KSR2: variants seen among roughly 807,000 people sequenced by gnomAD.
KSR2 encodes kinase suppressor of ras 2.
A neutral mutation model predicts 107.8 loss-of-function variants in KSR2; 25 were observed. That is an observed-to-expected ratio of 0.23 (90% CI 0.17 to 0.32). The LOEUF (loss-of-function observed/expected upper bound fraction) is 0.32, where lower values mean the gene tolerates loss of function less well. Ranked by LOEUF, KSR2 falls within the 10% of genes least tolerant of loss-of-function variation. KSR2 has a pLI of 1.00. For synonymous variants in KSR2, 480 were observed against 507.0 expected, an observed-to-expected ratio of 0.95 and a Z score of 0.71; for missense variants, 887 against 1,268.9, an observed-to-expected ratio of 0.70 and a Z score of 4.57.
At chr12:117,956,240 A>G (rs1391008708) in intron 1 of KSR2, among the ~76,000 whole-genome samples, 2 of 123,518 alleles carry the variant, frequency 1.6e-5, no homozygotes, top group African/African-American at 3.2e-5. Flanking sequence ...ACAGAGCAAG[A>G]CTCTGTCTCA....
At chr12:117,480,038 G>T (rs954258236) in intron 16 of KSR2, among the ~76,000 whole-genome samples, 8 of 151,848 alleles carry the variant, frequency 5.3e-5, no homozygotes, top group African/African-American at 1.9e-4. Flanking sequence ...ATGTGTGTGT[G>T]TGTGTGTGTG....
At chr12:117,574,337 A>G (rs1435016068) in intron 7 of KSR2, among the ~76,000 whole-genome samples, 1 of 152,164 alleles carries the variant, frequency 6.6e-6, no homozygotes, top group Non-Finnish European at 1.5e-5. Context: ...TTAATGTGCA[A>G]AAGAATCACT....
chr12:117,566,590 T>C (rs1691795779), intron 7 of KSR2, among the ~76,000 whole-genome samples: 2 of 152,200 alleles, frequency 1.3e-5, no homozygotes, highest in Non-Finnish European at 2.9e-5. Context: ...GGCTGCATAG[T>C]ATTCCATGTA....
intron 4 of KSR2, among the ~76,000 whole-genome samples, chr12:117,720,565 G>A (rs894258976): frequency 2.6e-5 from 4 of 152,224 alleles, no homozygotes; most frequent in Non-Finnish European, 5.9e-5. Context: ...ATTTGCATCA[G>A]ATGTGTTTAT....
At chr12:117,714,519 A>C (rs1430857042) in intron 4 of KSR2, among the ~76,000 whole-genome samples, 2 of 152,198 alleles carry the variant, frequency 1.3e-5, no homozygotes, top group Non-Finnish European at 2.9e-5. Context: ...TGTGCCTGCA[A>C]CTTTGACAGC....
chr12:117,666,262 C>T (rs1884654101), intron 5 of KSR2, among the ~76,000 whole-genome samples: 1 of 152,188 alleles, frequency 6.6e-6, no homozygotes, highest in South Asian at 2.1e-4. Flanking sequence ...CCAGCCTAAC[C>T]ATCTAGCGGG....
chr12:117,925,991 G>A (rs1895504886), intron 1 of KSR2, among the ~76,000 whole-genome samples: 2 of 152,158 alleles, frequency 1.3e-5, no homozygotes, highest in South Asian at 2.1e-4. Context: ...GAGGTCAGGA[G>A]TTCAAGACCA....
chr12:117,770,831 G>T (rs1889421945), intron 3 of KSR2, among the ~76,000 whole-genome samples: 1 of 151,604 alleles, frequency 6.6e-6, no homozygotes, highest in South Asian at 2.1e-4. Context: ...AAAGAAATTA[G>T]CCATGCATGG....
intron 5 of KSR2, among the ~76,000 whole-genome samples, chr12:117,613,619 G>A (rs1436762079): frequency 1.3e-5 from 2 of 152,204 alleles, no homozygotes; most frequent in Non-Finnish European, 1.5e-5. Context: ...ATGCCCTGTG[G>A]GGTGAACCTT....
chr12:117,774,807 G>T (rs548640686), intron 3 of KSR2, among the ~76,000 whole-genome samples: 1 of 151,816 alleles, frequency 6.6e-6, no homozygotes, highest in African/African-American at 2.4e-5. Flanking sequence ...GTCCCCATTC[G>T]CAATCCTTCC....
At chr12:117,698,380 A>G (rs1886159440) in intron 4 of KSR2, among the ~76,000 whole-genome samples, 1 of 151,846 alleles carries the variant, frequency 6.6e-6, no homozygotes, top group Non-Finnish European at 1.5e-5. Flanking sequence ...CAGTGATGCA[A>G]TCACAGCTCA....
At chr12:117,636,957 A>G (rs1883116116) in intron 5 of KSR2, among the ~76,000 whole-genome samples, 1 of 152,234 alleles carries the variant, frequency 6.6e-6, no homozygotes, top group Non-Finnish European at 1.5e-5. Context: ...GTCAATAAAA[A>G]AAAAGAGAGG....
intron 5 of KSR2, among the ~76,000 whole-genome samples, chr12:117,586,373 G>A (rs1479228238): frequency 2.0e-5 from 3 of 152,102 alleles, no homozygotes; most frequent in African/African-American, 7.2e-5. Context: ...GATCACCTGA[G>A]GTCAGGAGTT....
chr12:117,656,173 T>C (rs1884146264), intron 5 of KSR2, among the ~76,000 whole-genome samples: 1 of 152,254 alleles, frequency 6.6e-6, no homozygotes, highest in South Asian at 2.1e-4. Flanking sequence ...ACGTATACCC[T>C]TGTACTAAGA....
At chr12:117,920,868 C>T (rs950348370) in intron 1 of KSR2, among the ~76,000 whole-genome samples, 1 of 152,098 alleles carries the variant, frequency 6.6e-6, no homozygotes, top group East Asian at 1.9e-4. Flanking sequence ...AGTGGGTTTG[C>T]GGCCAACAGA....
intron 1 of KSR2, among the ~76,000 whole-genome samples, chr12:117,875,687 C>T (rs1345985492): frequency 6.6e-6 from 1 of 152,172 alleles, no homozygotes; most frequent in East Asian, 1.9e-4. Flanking sequence ...GTCCCACCGG[C>T]GAGAGCTCTT....
rs760776711 is a variant in KSR2 at position 117,476,445 on chromosome 12, C to G, written c.2582+19G>C. 1.4e-5 allele frequency: 22 copies of G among 1,576,982 alleles called. No individual in the cohort carries two copies. The Middle Eastern group carries it at 2.3e-3, about 168-fold the overall frequency. On this transcript the variant is annotated intron_variant, in intron 17 of 19. Coordinates refer to ENST00000339824, the MANE Select transcript of KSR2 (RefSeq NM_173598.6). ...TGCCCAGGCTGTGGCTCTCAATGGC[C>G]AGGGCAGGGCCCACTTACCCAAGGG... is the stretch of plus-strand genomic sequence containing the variant.
intron 1 of KSR2, among the ~76,000 whole-genome samples, chr12:117,918,438 C>T (rs1895246378): frequency 1.3e-5 from 2 of 152,178 alleles, no homozygotes; most frequent in South Asian, 4.1e-4. Context: ...CACCTGCTTG[C>T]CTGCCCTATT....
intron 1 of KSR2, among the ~76,000 whole-genome samples, chr12:117,954,972 G>A (rs997401394): frequency 5.3e-5 from 8 of 149,662 alleles, no homozygotes; most frequent in Admixed American, 2.0e-4. Flanking sequence ...AGCTGAGATC[G>A]CGCCACTGCA....
Sources: allele counts gnomAD v4.1 joint callset (sites outside exome capture counted in the v4.1 genomes callset), GRCh38; gene constraint gnomAD v4.1.1; transcripts MANE v1.5; gene names NCBI Gene and HGNC (gene_info 2026-07-23, HGNC 2026-07-21).